CNTN3: variants seen among roughly 807,000 people sequenced by gnomAD.
CNTN3 encodes contactin 3, also known as contactin-3.
In CNTN3, 60 loss-of-function variants were observed where a neutral mutation model predicts 119.1. The ratio of observed to expected loss-of-function variants is 0.50; its 90% CI spans 0.41 to 0.62. CNTN3 has a LOEUF of 0.62. Ranked by LOEUF, CNTN3 falls within the 20% of genes least tolerant of loss-of-function variation. The pLI is 0.00. For missense variants in CNTN3, 1,101 were observed against 1,242.4 expected (o/e 0.89, Z 1.71); for synonymous variants, 450 against 438.7 (o/e 1.03, Z -0.32).
intron 2 of CNTN3, among the ~76,000 whole-genome samples, chr3:74,508,082 A>G (rs1703297011): frequency 6.6e-6 from 1 of 152,078 alleles, no homozygotes; most frequent in Non-Finnish European, 1.5e-5. Context: ...CTCCACCCAA[A>G]TCTCATCTTG....
rs566378861 is a variant in CNTN3, at chr3:74,415,010, G to C, written c.454+9835C>G. ...TACTTAAAGCAGAAAACATCGGTCA[G>C]GACTCTGCCATATTAAAATAAATTC... On this transcript the variant is annotated intron_variant, in intron 5 of 22. Coordinates refer to ENST00000263665, the MANE Select transcript of CNTN3 (RefSeq NM_020872.3). Among the ~76,000 whole-genome samples, 54 of 151,532 alleles carry C rather than the reference G, an allele frequency of 3.6e-4. 1 individual carries two copies. Among genetic ancestry groups the C allele is most frequent in the Middle Eastern group, 3.4e-3 (1 of 294 alleles).
At chr3:74,574,284 AG>A (rs1257235763) in intron 1 of CNTN3, among the ~76,000 whole-genome samples, 4 of 152,304 alleles carry the variant, frequency 2.6e-5, no homozygotes, top group Middle Eastern at 3.4e-3. Flanking sequence ...AGAAGAAGGC[AG>A]GGGGAGAAGA....
intron 20 of CNTN3, among the ~76,000 whole-genome samples, chr3:74,276,579 C>A (rs1049751712): frequency 1.3e-5 from 2 of 151,802 alleles, no homozygotes; most frequent in Non-Finnish European, 2.9e-5. Context: ...AAGAATTATT[C>A]GAATTGAACA....
chr3:74,599,814 G>A (rs947134832), intron 1 of CNTN3, among the ~76,000 whole-genome samples: 4 of 152,070 alleles, frequency 2.6e-5, no homozygotes, highest in Non-Finnish European at 5.9e-5. Flanking sequence ...CCAGAGGTGA[G>A]TAATGACTCC....
chr3:74,299,843 G>A, intron 17 of CNTN3, 25 bp downstream of exon 17: 11 of 1,590,020 alleles, frequency 6.9e-6, no homozygotes, highest in Middle Eastern at 1.7e-4. Flanking sequence ...GACCCTGATG[G>A]GGAAGATGCT....
intron 5 of CNTN3, 92 bp downstream of exon 5, chr3:74,424,753 G>C: frequency 9.7e-7 from 1 of 1,031,576 alleles, no homozygotes; most frequent in Non-Finnish European, 1.5e-6. Context: ...AAGTTTCTCA[G>C]AGTAATTTAC....
At chr3:74,286,051 G>A (rs576158789) in intron 19 of CNTN3, among the ~76,000 whole-genome samples, 1 of 151,812 alleles carries the variant, frequency 6.6e-6, no homozygotes, top group African/African-American at 2.4e-5. Flanking sequence ...ACAACTGAAA[G>A]AACAGACTAT....
At chr3:74,352,185 T>A (rs1476595765) in intron 11 of CNTN3, among the ~76,000 whole-genome samples, 1 of 152,196 alleles carries the variant, frequency 6.6e-6, no homozygotes, top group Admixed American at 6.5e-5. Flanking sequence ...ATACCCAGTT[T>A]TGCTTCTTAC....
chr3:74,353,212 T>C lies in CNTN3; in HGVS notation c.1364+8678A>G, dbSNP rs78319176. ...GATAGTGACAGAGTTTCTAGACACATCTTTATCAAAGCGAGGCTGTGGCCA... is the reference window on the plus strand; with the variant it reads ...GATAGTGACAGAGTTTCTAGACACACCTTTATCAAAGCGAGGCTGTGGCCA... On this transcript the variant is annotated intron_variant, in intron 11 of 22. Coordinates refer to ENST00000263665, the MANE Select transcript of CNTN3 (RefSeq NM_020872.3). 1.6e-4 allele frequency among the ~76,000 whole-genome samples: 25 copies of C among 152,304 alleles called. 1 individual carries two copies. Among genetic ancestry groups the C allele is most frequent in the Admixed American group, 1.2e-3 (19 of 15,306 alleles).
intron 2 of CNTN3, among the ~76,000 whole-genome samples, chr3:74,516,702 C>G (rs1196845021): frequency 2.0e-5 from 3 of 150,532 alleles, no homozygotes; most frequent in African/African-American, 7.5e-5. Flanking sequence ...GCCAGGCCTT[C>G]CCAAGCATAG....
chr3:74,612,330 C>A (rs746488641), intron 1 of CNTN3, among the ~76,000 whole-genome samples: 9 of 152,210 alleles, frequency 5.9e-5, no homozygotes, highest in Non-Finnish European at 1.3e-4. Context: ...TTGTTGTCCA[C>A]GGCTAATCTT....
intron 2 of CNTN3, among the ~76,000 whole-genome samples, chr3:74,517,306 A>G (rs1316068746): frequency 6.6e-6 from 1 of 151,932 alleles, no homozygotes; most frequent in African/African-American, 2.4e-5. Flanking sequence ...CACTGAGGAG[A>G]TCAGGTCTTA....
At chr3:74,596,371 A>G (rs1288319480) in intron 1 of CNTN3, among the ~76,000 whole-genome samples, 1 of 152,150 alleles carries the variant, frequency 6.6e-6, no homozygotes, top group Non-Finnish European at 1.5e-5. Context: ...AAGAGCCCAC[A>G]TCACCAAGTC....
chr3:74,307,082 A>G (rs141629874), intron 13 of CNTN3, among the ~76,000 whole-genome samples: 7 of 152,290 alleles, frequency 4.6e-5, no homozygotes, highest in Non-Finnish European at 7.4e-5. Flanking sequence ...GTAAAAAAAT[A>G]AACTACACTA....
intron 4 of CNTN3, among the ~76,000 whole-genome samples, chr3:74,443,127 G>C (rs925453681): frequency 1.3e-5 from 2 of 152,194 alleles, no homozygotes; most frequent in Admixed American, 6.5e-5. Context: ...AAGGAGGACA[G>C]TAGCAGCTTT....
At chr3:74,494,144 C>G (rs570446298) in intron 3 of CNTN3, among the ~76,000 whole-genome samples, 1 of 152,158 alleles carries the variant, frequency 6.6e-6, no homozygotes, top group East Asian at 1.9e-4. Context: ...TCCTTTAAAG[C>G]AGCCCTCCTC....
At chr3:74,561,442 A>C (rs1704152472) in intron 1 of CNTN3, among the ~76,000 whole-genome samples, 1 of 152,112 alleles carries the variant, frequency 6.6e-6, no homozygotes, top group South Asian at 2.1e-4. Flanking sequence ...TCCAGATCCC[A>C]GTGGCTGCCT....
chr3:74,523,877 C>T (rs1396950029), intron 1 of CNTN3, among the ~76,000 whole-genome samples: 1 of 151,752 alleles, frequency 6.6e-6, no homozygotes, highest in African/African-American at 2.4e-5. Context: ...AAGGTAGAAC[C>T]ACAGTTAACC....
At chr3:74,312,827 A>C (rs1702726390) in intron 13 of CNTN3, among the ~76,000 whole-genome samples, 1 of 152,204 alleles carries the variant, frequency 6.6e-6, no homozygotes, top group Non-Finnish European at 1.5e-5. Context: ...GAAGAGACTG[A>C]ACAAGCATCA....
Sources: allele counts gnomAD v4.1 joint callset (sites outside exome capture counted in the v4.1 genomes callset), GRCh38; gene constraint gnomAD v4.1.1; transcripts MANE v1.5; gene names NCBI Gene and HGNC (gene_info 2026-07-23, HGNC 2026-07-21).